LYG1: variants seen among roughly 807,000 people sequenced by gnomAD.
LYG1 encodes the protein lysozyme g1.
LYG1 carries 17 observed loss-of-function variants against 21.7 expected under a neutral mutation model. That is an observed-to-expected ratio of 0.78 (90% confidence interval 0.54 to 1.18). The LOEUF is 1.18. Among genes scored for constraint, LYG1 ranks in the 50% most tolerant of loss-of-function variants. The pLI is 0.00. For synonymous variants in LYG1, 81 were observed against 87.4 expected, an observed-to-expected ratio of 0.93 and a Z score of 0.41; for missense variants, 211 against 238.1, an observed-to-expected ratio of 0.89 and a Z score of 0.75.
chr2:99,298,758 G>A (rs2094144884), intron 1 of LYG1, among the ~76,000 whole-genome samples: 1 of 152,120 alleles, frequency 6.6e-6, no homozygotes, highest in Non-Finnish European at 1.5e-5. Context: ...AATCCTGAGA[G>A]AACTGAGAAC....
Position 99,284,460 on chromosome 2 carries a change from TC to T in LYG1, c.517del (p.Asp173ThrfsTer2). The T allele has an allele frequency of 1.9e-6, 3 of 1,614,218 alleles. No homozygotes were observed. The highest frequency in any genetic ancestry group is 2.5e-6 in the Non-Finnish European group (3 of 1,180,034). On this transcript the variant is annotated frameshift_variant, in exon 7 of 7. Transcript: ENST00000308528. LOFTEE classifies it high-confidence loss of function. ...ATCATTGCAGAAGTCACAGCTCAGG[TC>T]CTGGCTGCTTCGGACATAGCCAGCA... ...GGAGYVRSSQ[D>X]LSCDFCNDVL...
intron 4 of LYG1, 29 bp downstream of exon 4, chr2:99,292,507 A>T: frequency 6.7e-7 from 1 of 1,503,206 alleles, no homozygotes; most frequent in Non-Finnish European, 9.3e-7. Context: ...GCCGGGGGAT[A>T]GGTTGAGAGG....
At chr2:99,288,338 C>T (rs1278230779) in intron 5 of LYG1, among the ~76,000 whole-genome samples, 1 of 152,042 alleles carries the variant, frequency 6.6e-6, no homozygotes, top group East Asian at 1.9e-4. Flanking sequence ...CATACTTTTA[C>T]TTCAAACTTT....
chr2:99,291,537 TC>T, intron 4 of LYG1, 116 bp from the exon 5 acceptor site: 1 of 1,195,606 alleles, frequency 8.4e-7, no homozygotes, highest in Non-Finnish European at 1.2e-6. Flanking sequence ...GGACTGACAA[TC>T]CCAGATTTTG....
At chr2:99,296,279 CT>C (rs1307303009) in intron 2 of LYG1, among the ~76,000 whole-genome samples, 2 of 152,132 alleles carry the variant, frequency 1.3e-5, no homozygotes, top group African/African-American at 4.8e-5. Flanking sequence ...CCCATTCCCC[CT>C]CTGTAAAACC....
intron 1 of LYG1, among the ~76,000 whole-genome samples, chr2:99,300,529 T>C (rs1453710768): frequency 6.6e-6 from 1 of 152,250 alleles, no homozygotes. Context: ...TAGCCGAGGC[T>C]GTTAGACATG....
intron 3 of LYG1, among the ~76,000 whole-genome samples, chr2:99,294,513 CTTTT>C (rs56780417): frequency 0.45 from 67,643 of 151,750 alleles, 15,358 homozygotes; most frequent in Admixed American, 0.58. Flanking sequence ...CTGACAGGTT[CTTTT>C]TTATTTTTTA....
intron 2 of LYG1, among the ~76,000 whole-genome samples, chr2:99,296,143 T>C (rs902507368): frequency 1.3e-5 from 2 of 152,136 alleles, no homozygotes; most frequent in Non-Finnish European, 2.9e-5. Context: ...TCCCTTCTTC[T>C]TCAGGTTTGA....
intron 3 of LYG1, among the ~76,000 whole-genome samples, chr2:99,293,774 A>G (rs2094127890): frequency 6.6e-6 from 1 of 152,200 alleles, no homozygotes. Flanking sequence ...ACAAGTATTT[A>G]TAATATATCT....
At chr2:99,293,695 G>C (rs552190755) in intron 3 of LYG1, among the ~76,000 whole-genome samples, 1 of 152,162 alleles carries the variant, frequency 6.6e-6, no homozygotes, top group Non-Finnish European at 1.5e-5. Context: ...AGAGGAGAAT[G>C]TTCTTTCTCT....
Position 99,284,352 on chromosome 2 carries a change from G to C in LYG1, c.*41C>G. ...CTAGTTTTATCTGTGTAACATTTGA[G>C]GCTGCATATGTGATCATGGTCTTGG... is the stretch of plus-strand genomic sequence containing the variant. On this transcript the variant is annotated 3_prime_UTR_variant, in exon 7 of 7. Coordinates refer to ENST00000308528, the MANE Select transcript of LYG1 (RefSeq NM_174898.3). 6.4e-7 allele frequency: 1 copy of C among 1,557,462 alleles called. No homozygotes were observed. The highest frequency in any genetic ancestry group is 1.1e-5 in the South Asian group (1 of 89,038).
chr2:99,288,181 G>C (rs1385133311), intron 5 of LYG1, among the ~76,000 whole-genome samples: 1 of 151,930 alleles, frequency 6.6e-6, no homozygotes, highest in African/African-American at 2.4e-5. Flanking sequence ...TTAAATTGCT[G>C]TATGTCCTGG....
intron 4 of LYG1, among the ~76,000 whole-genome samples, chr2:99,292,208 C>T (rs546234749): frequency 6.2e-4 from 92 of 148,942 alleles, no homozygotes; most frequent in Admixed American, 1.7e-3. Flanking sequence ...TCGCTTAAAC[C>T]GGGGAGGTGG....
upstream of LYG1, among the ~76,000 whole-genome samples, chr2:99,304,082 G>T (rs2094161084): frequency 6.6e-6 from 1 of 152,114 alleles, no homozygotes; most frequent in African/African-American, 2.4e-5. Context: ...GGCAAGATTG[G>T]TTTTGAAATG....
chr2:99,297,733 G>C (rs1258199899), intron 2 of LYG1, among the ~76,000 whole-genome samples: 1 of 151,546 alleles, frequency 6.6e-6, no homozygotes, highest in Non-Finnish European at 1.5e-5. Flanking sequence ...TTTTTTCTTA[G>C]AGCCAGAGTT....
chr2:99,296,557 A>C (rs1055135874), intron 2 of LYG1, among the ~76,000 whole-genome samples: 1 of 151,850 alleles, frequency 6.6e-6, no homozygotes, highest in Non-Finnish European at 1.5e-5. Context: ...CACAAATACC[A>C]CCAAGGATAG....
chr2:99,290,015 T>C (rs1333830029), intron 5 of LYG1, among the ~76,000 whole-genome samples: 2 of 152,054 alleles, frequency 1.3e-5, no homozygotes, highest in Non-Finnish European at 2.9e-5. Context: ...TGCACCACCA[T>C]GGCCAGCTAA....
In LYG1 at chr2:99,284,773, A is replaced by T. The variant is rs749421294; in HGVS notation, c.381T>A (p.Val127=). The change falls in exon 6 of 7, where the codon GTT becomes GTA. Residue 127 remains valine, a synonymous_variant. Transcript: ENST00000308528. ...APTSWISESQ[V]SQTTEVLTTR... is the part of the protein sequence containing the mutation. ...TAGTCAGAACTTCAGTTGTCTGGGA[A>T]ACCTGAGACTCACTAATCCAGGATG... 6.2e-7 allele frequency: 1 copy of T among 1,613,698 alleles called. No individual in the cohort carries two copies. Among genetic ancestry groups the T allele is most frequent in the African/African-American group, 1.3e-5 (1 of 75,004 alleles).
upstream of LYG1, among the ~76,000 whole-genome samples, chr2:99,302,347 C>T (rs1435655050): frequency 6.6e-6 from 1 of 152,190 alleles, no homozygotes; most frequent in Non-Finnish European, 1.5e-5. Flanking sequence ...AAGACTGAGT[C>T]TTCAGTGCCC....
Sources: gnomAD v4.1 joint callset for allele counts (sites outside exome capture counted in the v4.1 genomes callset) on GRCh38, gnomAD v4.1.1 for gene constraint, MANE v1.5 for transcripts, NCBI Gene and HGNC (gene_info 2026-07-23, HGNC 2026-07-21) for gene names.